Variants in PPM1H observed in about 807,000 individuals in gnomAD.
The protein encoded by PPM1H is protein phosphatase, Mg2+/Mn2+ dependent 1H.
In PPM1H, 27 loss-of-function variants were observed where a neutral mutation model predicts 54.9. The ratio of observed to expected loss-of-function variants is 0.49; its 90% CI spans 0.36 to 0.68. The LOEUF (loss-of-function observed/expected upper bound fraction) is 0.68. PPM1H is among the 30% of genes least tolerant of loss of function. The pLI, the probability that PPM1H is intolerant of heterozygous loss-of-function variation, is 0.00. For synonymous variants in PPM1H, 305 were observed against 270.8 expected (o/e 1.13, Z -1.24); for missense variants, 596 against 667.8 (o/e 0.89, Z 1.19).
chr12:62,885,516 A>G (rs975107192), intron 1 of PPM1H, among the ~76,000 whole-genome samples: 21 of 152,166 alleles, frequency 1.4e-4, no homozygotes, highest in Admixed American at 9.2e-4. Context: ...CCCTTCTACC[A>G]TATAATGTAC....
At chr12:62,893,941 C>T (rs559264211) in intron 1 of PPM1H, among the ~76,000 whole-genome samples, 1 of 152,132 alleles carries the variant, frequency 6.6e-6, no homozygotes, top group Non-Finnish European at 1.5e-5. Flanking sequence ...AATCTCTGGG[C>T]CACACTATTG....
At chr12:62,733,422 T>A (rs1367242940) in intron 5 of PPM1H, among the ~76,000 whole-genome samples, 1 of 151,644 alleles carries the variant, frequency 6.6e-6, no homozygotes, top group Non-Finnish European at 1.5e-5. Flanking sequence ...ACCCAGCTGA[T>A]TTTTTTTGGT....
At chr12:62,754,572 C>T (rs753633635) in intron 4 of PPM1H, among the ~76,000 whole-genome samples, 3 of 152,156 alleles carry the variant, frequency 2.0e-5, no homozygotes, top group Non-Finnish European at 2.9e-5. Context: ...TGTCCAAAAA[C>T]AGATACTAGA....
At chr12:62,925,267 T>C (rs1215866707) in intron 1 of PPM1H, among the ~76,000 whole-genome samples, 5 of 152,136 alleles carry the variant, frequency 3.3e-5, no homozygotes, top group Non-Finnish European at 7.4e-5. Flanking sequence ...ACAAATGAGA[T>C]GAGCAAAAGA....
intron 8 of PPM1H, among the ~76,000 whole-genome samples, chr12:62,681,811 C>T (rs1382704788): frequency 6.6e-6 from 1 of 152,162 alleles, no homozygotes; most frequent in Non-Finnish European, 1.5e-5. Context: ...GTAAACACCA[C>T]CGGACTCATG....
At chr12:62,802,972 T>C (rs35214873) in intron 2 of PPM1H, among the ~76,000 whole-genome samples, 9,694 of 151,060 alleles carry the variant, frequency 0.064, 332 homozygotes, top group African/African-American at 0.086. Context: ...TCTCAGGTTT[T>C]CCAACGGGAA....
chr12:62,742,373 A>G (rs1039032757), intron 4 of PPM1H, among the ~76,000 whole-genome samples: 2 of 152,090 alleles, frequency 1.3e-5, no homozygotes, highest in African/African-American at 4.8e-5. Flanking sequence ...TTCCTATGTG[A>G]TCCTTGGCTT....
At chr12:62,655,071 A>G (rs1452835789) in intron 9 of PPM1H, among the ~76,000 whole-genome samples, 1 of 152,206 alleles carries the variant, frequency 6.6e-6, no homozygotes. Context: ...CTCTAGGACC[A>G]GCTTCCTGAC....
Position 62,647,192 on chromosome 12 carries a change from A to ACT in PPM1H, c.*1295_*1296dup, listed in dbSNP as rs2136588577. 6.6e-6 allele frequency: 1 copy of ACT among 152,386 alleles called. No homozygotes were observed. The highest frequency in any genetic ancestry group is 1.5e-5 in the Non-Finnish European group (1 of 68,096). The allele number at this position is 152,386 out of a possible 1,614,324, so 9.4% of individuals were successfully genotyped here. A position where few individuals can be genotyped will look rare whatever the true frequency, so the allele number is the denominator to read the frequency against. On this transcript the variant is annotated 3_prime_UTR_variant, in exon 10 of 10. Transcript: ENST00000228705. ...TGCTGCTGCTGCTCTTGTGGCGAAC[A>ACT]CTCAGATGTGGAACCATAGAGGGAC...
chr12:62,654,139 G>A (rs922060207), intron 9 of PPM1H, among the ~76,000 whole-genome samples: 1 of 149,230 alleles, frequency 6.7e-6, no homozygotes, highest in African/African-American at 2.5e-5. Context: ...GGAGGCTGAG[G>A]TGGGAAGATC....
chr12:62,777,716 G>T (rs1043939241), intron 4 of PPM1H, among the ~76,000 whole-genome samples: 2 of 152,134 alleles, frequency 1.3e-5, no homozygotes, highest in African/African-American at 4.8e-5. Flanking sequence ...CTATTAAACT[G>T]AACTGGTATA....
At chr12:62,913,096 G>GT (rs536779441) in intron 1 of PPM1H, among the ~76,000 whole-genome samples, 73 of 152,292 alleles carry the variant, frequency 4.8e-4, no homozygotes, top group African/African-American at 1.6e-3. Flanking sequence ...AAGGCTATAG[G>GT]TAAATTCTTC....
At chr12:62,864,568 A>G (rs1440516858) in intron 1 of PPM1H, among the ~76,000 whole-genome samples, 1 of 152,256 alleles carries the variant, frequency 6.6e-6, no homozygotes, top group Non-Finnish European at 1.5e-5. Flanking sequence ...CAGGAACAAA[A>G]TATACGTAGA....
At chr12:62,705,133 A>G (rs1368744397) in intron 6 of PPM1H, among the ~76,000 whole-genome samples, 2 of 152,232 alleles carry the variant, frequency 1.3e-5, no homozygotes, top group Non-Finnish European at 2.9e-5. Flanking sequence ...ACACACGGCA[A>G]AAAACAATAT....
chr12:62,783,280 T>G (rs895435148), intron 4 of PPM1H, among the ~76,000 whole-genome samples: 4 of 152,232 alleles, frequency 2.6e-5, no homozygotes, highest in African/African-American at 9.6e-5. Flanking sequence ...GCAGTGCGTT[T>G]AAAATAGCCT....
chr12:62,930,371 C>T (rs188570771), intron 1 of PPM1H, among the ~76,000 whole-genome samples: 72 of 152,114 alleles, frequency 4.7e-4, no homozygotes, highest in Admixed American at 2.2e-3. Context: ...TAGCTATAAC[C>T]GAAGTAAAAT....
At chr12:62,848,274 A>G (rs994401174) in intron 1 of PPM1H, among the ~76,000 whole-genome samples, 30 of 152,230 alleles carry the variant, frequency 2.0e-4, no homozygotes, top group African/African-American at 7.0e-4. Flanking sequence ...TTCCAAAAAT[A>G]ACTAAGGTGC....
chr12:62,922,113 GTTATAC>G (rs575213650), intron 1 of PPM1H, among the ~76,000 whole-genome samples: 124 of 152,286 alleles, frequency 8.1e-4, no homozygotes, highest in African/African-American at 2.2e-3. Context: ...GGTTTGGACT[GTTATAC>G]TTAGGAACGC....
chr12:62,903,338 T>G (rs1871213655), intron 1 of PPM1H, among the ~76,000 whole-genome samples: 1 of 152,158 alleles, frequency 6.6e-6, no homozygotes, highest in Admixed American at 6.5e-5. Flanking sequence ...AACACAGAGC[T>G]TGGCTAAAGA....
Sources: allele counts gnomAD v4.1 joint callset (sites outside exome capture counted in the v4.1 genomes callset), GRCh38; gene constraint gnomAD v4.1.1; transcripts MANE v1.5; gene names NCBI Gene and HGNC (gene_info 2026-07-23, HGNC 2026-07-21).